GRIK5: variants seen among roughly 807,000 people sequenced by gnomAD.
The protein encoded by GRIK5 is glutamate ionotropic receptor kainate type subunit 5.
A neutral mutation model predicts 97.4 loss-of-function variants in GRIK5; 43 were observed. That is an observed-to-expected ratio of 0.44 (90% CI 0.35 to 0.57). The LOEUF is 0.57. GRIK5 is among the 20% of genes least tolerant of loss of function. The pLI is 0.01. For synonymous variants in GRIK5, 580 were observed against 583.5 expected (o/e 0.99, Z 0.09); for missense variants, 1,015 against 1,382.0 (o/e 0.73, Z 4.21).
intron 15 of GRIK5, among the ~76,000 whole-genome samples, chr19:42,009,572 A>G (rs1282321554): frequency 6.6e-6 from 1 of 152,008 alleles, no homozygotes; most frequent in African/African-American, 2.4e-5. Flanking sequence ...GTTTGCGACC[A>G]GCCTGACTAA....
chr19:42,014,321 G>A (rs988463343), intron 15 of GRIK5, among the ~76,000 whole-genome samples: 4 of 151,924 alleles, frequency 2.6e-5, no homozygotes, highest in Non-Finnish European at 4.4e-5. Flanking sequence ...TTGAACCTGG[G>A]AGGCAGAGGT....
At position 42,062,736 on chromosome 19, in the gene GRIK5, C is replaced by T. The variant is rs770864979; in HGVS notation, c.342+22G>A. 1.2e-5 allele frequency: 20 copies of T among 1,611,396 alleles called. No homozygotes were observed. Among genetic ancestry groups the T allele is most frequent in the Admixed American group, 6.7e-5 (4 of 59,994 alleles). ...CAGGGACCCGCTCCCCACAAAGCGC[C>T]GGCCCACACTCCCCATCTCACCTCC... On this transcript the variant is annotated intron_variant, in intron 4 of 19. Transcript: ENST00000593562. This position sits in a 1 kb window ranked among gnomAD's most constrained non-coding sequence, Gnocchi z 5.3.
intron 12 of GRIK5, among the ~76,000 whole-genome samples, chr19:42,035,990 A>G (rs1417113085): frequency 6.6e-6 from 1 of 152,240 alleles, no homozygotes; most frequent in Non-Finnish European, 1.5e-5. Flanking sequence ...ACTTAATACA[A>G]ATATGTTTTA....
chr19:42,055,329 T>C (rs764685380), intron 8 of GRIK5, among the ~76,000 whole-genome samples: 3 of 152,186 alleles, frequency 2.0e-5, no homozygotes, highest in Non-Finnish European at 2.9e-5. Flanking sequence ...TGTGGACACA[T>C]CTGACTGGAC....
At position 42,032,149 on chromosome 19, in the gene GRIK5, A is replaced by G. The variant is rs576089850; in HGVS notation, c.1474-9795T>C. On this transcript the variant is annotated intron_variant, in intron 12 of 19. Transcript: ENST00000593562. ...AAAAGATGTTTGTTAATGATTATTT[A>G]TAAGAGCACAAACAATAAAAACACC... Among the ~76,000 whole-genome samples, 167 of 152,374 alleles carry G rather than the reference A, an allele frequency of 1.1e-3. 1 individual carries two copies. Among genetic ancestry groups the G allele is most frequent in the African/African-American group, 3.9e-3 (162 of 41,586 alleles).
Position 42,003,463 on chromosome 19 carries a change from GAAGGGAGTTGGGGGGCA to G in GRIK5, c.2393-27_2393-11del. On this transcript the variant is annotated splice_polypyrimidine_tract_variant and intron_variant, in intron 18 of 19. Transcript: ENST00000593562. This position sits in a 1 kb window ranked among gnomAD's most constrained non-coding sequence, Gnocchi z 4.2. ...TTCTCCATGCCCAAACCTGGAGGGC[GAAGGGAGTTGGGGGGCA>G]AAGGGAGTTGGGGCTGTGTGGGAAG... 1 of 1,613,416 alleles carries G rather than the reference GAAGGGAGTTGGGGGGCA, an allele frequency of 6.2e-7. No homozygotes were observed. The highest frequency in any genetic ancestry group is 1.7e-4 in the Middle Eastern group (1 of 6,054).
Position 42,002,591 on chromosome 19 carries a change from A to G in GRIK5, c.2514+741T>C. 1 of 641,946 alleles carries G rather than the reference A, an allele frequency of 1.6e-6. No individual in the cohort carries two copies. The highest frequency in any genetic ancestry group is 2.9e-6 in the Non-Finnish European group (1 of 348,954). The allele number at this position is 641,946 out of a possible 1,614,324, so 39.8% of individuals were successfully genotyped here. ...TCAGCCGCTGGATGTGAGGAGGGGG[A>G]GGAAGGGCTGGAGGCTGACAGAGAG... On this transcript the variant is annotated intron_variant, in intron 19 of 19. Transcript: ENST00000593562. The surrounding 1 kb of genome is among the most constrained non-coding windows in gnomAD (Gnocchi z 5.2).
Position 42,022,455 on chromosome 19 carries a change from CG to C in GRIK5, c.1474-102del. 1 of 1,391,686 alleles carries C rather than the reference CG, an allele frequency of 7.2e-7. No homozygotes were observed. The highest frequency in any genetic ancestry group is 9.6e-7 in the Non-Finnish European group (1 of 1,043,990). The allele number at this position is 1,391,686 out of a possible 1,614,324, so 86.2% of individuals were successfully genotyped here. A position where few individuals can be genotyped will look rare whatever the true frequency, so the allele number is the denominator to read the frequency against. On this transcript the variant is annotated intron_variant, in intron 12 of 19. Coordinates refer to ENST00000593562, the MANE Select transcript of GRIK5 (RefSeq NM_002088.5). The surrounding 1 kb of genome is among the most constrained non-coding windows in gnomAD (Gnocchi z 4.2). ...ACGGAGAGTGAGCAACTGAGGGAGG[CG>C]AGAGAGAGAGAGGTAGGGAGGGGGA...
chr19:42,003,771 T>C lies in GRIK5; in HGVS notation c.2264-88A>G. ...CCCAAACTGTGCCCTCACCACGGCC[T>C]TCCCCCGCCTCTACCACGTGCCCAG... On this transcript the variant is annotated intron_variant, in intron 17 of 19. Transcript: ENST00000593562. The surrounding 1 kb of genome is among the most constrained non-coding windows in gnomAD (Gnocchi z 4.2). The C allele has an allele frequency of 7.2e-7, 1 of 1,386,964 alleles. No individual in the cohort carries two copies. The highest frequency in any genetic ancestry group is 9.5e-7 in the Non-Finnish European group (1 of 1,051,216). The allele number at this position is 1,386,964 out of a possible 1,614,324, so 85.9% of individuals were successfully genotyped here. A position where few individuals can be genotyped will look rare whatever the true frequency, so the allele number is the denominator to read the frequency against.
intron 11 of GRIK5, among the ~76,000 whole-genome samples, chr19:42,048,452 C>G (rs906291535): frequency 6.6e-6 from 1 of 152,012 alleles, no homozygotes; most frequent in Non-Finnish European, 1.5e-5. Flanking sequence ...AACCCCGTCT[C>G]TACTAAAAAT....
intron 12 of GRIK5, among the ~76,000 whole-genome samples, chr19:42,026,082 C>T (rs2075768167): frequency 6.6e-6 from 1 of 152,132 alleles, no homozygotes; most frequent in Admixed American, 6.5e-5. Flanking sequence ...CCTTGAACTC[C>T]TCAAGTGATC....
In GRIK5 at chr19:41,998,879, G is replaced by A. The variant is rs545481658; in HGVS notation, c.2935C>T (p.His979Tyr). ...GPAGPRELAE[H>Y]E ...CACAGCCCCGCCCGTGGTCACTCGT[G>A]CTCCGCCAGCTCCCGGGGGCCGGCG... The change falls in exon 20 of 20, where the codon CAC becomes TAC. Residue 979 changes from histidine to tyrosine, a missense_variant. By Grantham distance (83) the His-to-Tyr change is moderately conservative (BLOSUM62 2). This residue lies in a region of GRIK5 where 109 missense variants were observed against 100.4 expected (regional missense o/e 1.09). Coordinates refer to ENST00000593562, the MANE Select transcript of GRIK5 (RefSeq NM_002088.5). The A allele has an allele frequency of 1.0e-4, 114 of 1,117,742 alleles. No homozygotes were observed. The African/African-American group carries it at 1.9e-3, about 18-fold the overall frequency. 69.2% of individuals were successfully genotyped at this position (1,117,742 alleles called of 1,614,324 possible).
intron 15 of GRIK5, among the ~76,000 whole-genome samples, chr19:42,013,011 T>A (rs140811869): frequency 5.8e-4 from 89 of 152,172 alleles, no homozygotes; most frequent in South Asian, 1.0e-3. Context: ...TATACTACAA[T>A]GGAAGATTGA....
At chr19:42,018,563 G>A (rs1472927757) in intron 15 of GRIK5, among the ~76,000 whole-genome samples, 1 of 149,748 alleles carries the variant, frequency 6.7e-6, no homozygotes, top group Non-Finnish European at 1.5e-5. Flanking sequence ...GGAGGCTGTG[G>A]CAGGAGAATC....
chr19:42,004,261 G>A (rs2146012931), intron 17 of GRIK5, among the ~76,000 whole-genome samples: 1 of 152,132 alleles, frequency 6.6e-6, no homozygotes, highest in East Asian at 1.9e-4. Context: ...ATCCAGTGCG[G>A]GACTTGGCAT....
rs1004980683 is a variant in GRIK5 at position 42,065,861 on chromosome 19, G to A, written c.-50-41C>T. Reference sequence around the variant, plus strand: ...CCAGACCAAGGGGAGATTACTATGTGGTGGGATGGAACCCCTTGGAGGCCT... The same window carrying A: ...CCAGACCAAGGGGAGATTACTATGTAGTGGGATGGAACCCCTTGGAGGCCT... On this transcript the variant is annotated intron_variant, in intron 1 of 19. Transcript: ENST00000593562. The surrounding 1 kb of genome is among the most constrained non-coding windows in gnomAD (Gnocchi z 5.8). 4.6e-6 allele frequency: 5 copies of A among 1,076,202 alleles called. No individual in the cohort carries two copies. The highest frequency in any genetic ancestry group is 6.8e-6 in the Non-Finnish European group (5 of 730,770). 66.7% of individuals were successfully genotyped at this position (1,076,202 alleles called of 1,614,324 possible).
intron 11 of GRIK5, among the ~76,000 whole-genome samples, chr19:42,052,640 C>A (rs765644836): frequency 6.6e-6 from 1 of 152,228 alleles, no homozygotes; most frequent in Admixed American, 6.5e-5. Flanking sequence ...AGTTACTGAG[C>A]GGCTCCCTCA....
At chr19:42,057,939 C>T (rs550403151) in intron 6 of GRIK5, among the ~76,000 whole-genome samples, 1 of 152,312 alleles carries the variant, frequency 6.6e-6, no homozygotes, top group East Asian at 1.9e-4. Context: ...AGGGCACCAG[C>T]TTGCATTTCC....
At chr19:42,049,347 A>G (rs1402018430) in intron 11 of GRIK5, among the ~76,000 whole-genome samples, 1 of 152,236 alleles carries the variant, frequency 6.6e-6, no homozygotes, top group East Asian at 1.9e-4. Context: ...ACCAAAAGAC[A>G]TGGAAGAGAA....
Sources: allele counts gnomAD v4.1 joint callset (sites outside exome capture counted in the v4.1 genomes callset), GRCh38; gene constraint gnomAD v4.1.1; regional missense constraint gnomAD v4.1.1; non-coding constraint Gnocchi (gnomAD v3.1); transcripts MANE v1.5; gene names NCBI Gene and HGNC (gene_info 2026-07-23, HGNC 2026-07-21).